SLC26A7: variants seen among roughly 807,000 people sequenced by gnomAD.
SLC26A7 encodes anion exchange transporter.
A neutral mutation model predicts 82.5 loss-of-function variants in SLC26A7; 59 were observed. The observed-to-expected ratio is 0.72, with a 90% CI of 0.58 to 0.89. The LOEUF (loss-of-function observed/expected upper bound fraction) is 0.89, where lower values mean the gene tolerates loss of function less well. SLC26A7 is among the 40% of genes least tolerant of loss of function. SLC26A7 has a pLI of 0.00. For missense variants in SLC26A7, 820 were observed against 793.0 expected, an observed-to-expected ratio of 1.03 and a Z score of -0.41; for synonymous variants, 271 against 274.3, an observed-to-expected ratio of 0.99 and a Z score of 0.12.
At chr8:91,279,987 C>T (rs1471433843) in intron 2 of SLC26A7, among the ~76,000 whole-genome samples, 2 of 152,126 alleles carry the variant, frequency 1.3e-5, no homozygotes, top group Admixed American at 1.3e-4. Flanking sequence ...GTTTGAGTTC[C>T]TTACATATTT....
At chr8:91,219,582 G>A (rs1810125559) in intron 2 of SLC26A7, among the ~76,000 whole-genome samples, 1 of 152,124 alleles carries the variant, frequency 6.6e-6, no homozygotes, top group African/African-American at 2.4e-5. Context: ...TCAGAAATGA[G>A]AATTGTGCTC....
At chr8:91,302,991 T>C (rs575895525) in intron 4 of SLC26A7, among the ~76,000 whole-genome samples, 2 of 152,162 alleles carry the variant, frequency 1.3e-5, no homozygotes, top group Non-Finnish European at 2.9e-5. Flanking sequence ...ATAATCTTAT[T>C]GTTTCCAGTT....
At chr8:91,255,522 C>T (rs1810777732) in intron 2 of SLC26A7, among the ~76,000 whole-genome samples, 2 of 152,096 alleles carry the variant, frequency 1.3e-5, no homozygotes, top group South Asian at 4.1e-4. Flanking sequence ...ATCACTGTAT[C>T]TTCCTGCTAG....
intron 4 of SLC26A7, among the ~76,000 whole-genome samples, chr8:91,307,661 A>AG (rs1158924181): frequency 2.8e-4 from 24 of 86,292 alleles, no homozygotes; most frequent in Non-Finnish European, 4.9e-4. Context: ...GGGTGGGGGG[A>AG]GGGGGGAGGG....
chr8:91,333,226 T>C (rs1813143493), intron 5 of SLC26A7, among the ~76,000 whole-genome samples: 2 of 152,298 alleles, frequency 1.3e-5, no homozygotes, highest in South Asian at 4.1e-4. Flanking sequence ...TTTAATGTTG[T>C]TCTTTTGGTT....
intron 13 of SLC26A7, 101 bp from the exon 14 acceptor site, chr8:91,366,475 GTTAA>G: frequency 4.0e-6 from 5 of 1,244,182 alleles, no homozygotes; most frequent in Non-Finnish European, 5.6e-6. Flanking sequence ...TAATAAAAAT[GTTAA>G]TTGAGAGATT....
At chr8:91,279,123 GTGTATATATATA>G (rs1291465373) in intron 2 of SLC26A7, among the ~76,000 whole-genome samples, 7 of 78,786 alleles carry the variant, frequency 8.9e-5, no homozygotes, top group African/African-American at 2.9e-4. Context: ...GTGTGTGTGT[GTGTATATATATA>G]TATATATATA....
intron 2 of SLC26A7, among the ~76,000 whole-genome samples, chr8:91,239,514 A>G (rs1222510102): frequency 6.6e-6 from 1 of 151,394 alleles, no homozygotes; most frequent in East Asian, 1.9e-4. Context: ...ACACATATAT[A>G]TGAGAAAATA....
chr8:91,255,999 C>T (rs1810791283), intron 2 of SLC26A7, among the ~76,000 whole-genome samples: 1 of 152,094 alleles, frequency 6.6e-6, no homozygotes, highest in Admixed American at 6.6e-5. Context: ...GGGTGAATAA[C>T]CCCTGTTCCA....
intron 11 of SLC26A7, among the ~76,000 whole-genome samples, chr8:91,361,402 T>C (rs1814046013): frequency 6.6e-6 from 1 of 152,134 alleles, no homozygotes; most frequent in African/African-American, 2.4e-5. Context: ...GGAATTGAAA[T>C]ATGTTTTCAA....
At chr8:91,273,595 A>T (rs1390959699) in intron 2 of SLC26A7, among the ~76,000 whole-genome samples, 1 of 152,148 alleles carries the variant, frequency 6.6e-6, no homozygotes, top group Non-Finnish European at 1.5e-5. Context: ...AATGATTAGA[A>T]ACTCAAAGAG....
At chr8:91,247,396 G>A (rs1181394385), upstream of SLC26A7, among the ~76,000 whole-genome samples, 1 of 152,050 alleles carries the variant, frequency 6.6e-6, no homozygotes, top group Non-Finnish European at 1.5e-5. Flanking sequence ...AGAATCTTAT[G>A]TGTGTGAATA....
intron 2 of SLC26A7, among the ~76,000 whole-genome samples, chr8:91,278,539 A>G (rs993509096): frequency 3.9e-5 from 6 of 152,138 alleles, no homozygotes; most frequent in Admixed American, 1.3e-4. Context: ...TAATGCAAAG[A>G]TGTTATTTTT....
chr8:91,316,451 ATTTTTTTTTTTTTTTTTTTTTTTTTT>A (rs58981485), intron 4 of SLC26A7, among the ~76,000 whole-genome samples: 1 of 34,390 alleles, frequency 2.9e-5, no homozygotes, highest in Admixed American at 4.6e-4. Context: ...CTCAACACTA[ATTTTTTTTTTTTTTTTTTTTTTTTTT>A]TTTTTTTTTT....
intron 5 of SLC26A7, among the ~76,000 whole-genome samples, chr8:91,324,868 C>A (rs986369143): frequency 6.6e-6 from 1 of 152,054 alleles, no homozygotes; most frequent in African/African-American, 2.4e-5. Context: ...ATGAGAGAGA[C>A]CCAGCCATAG....
intron 2 of SLC26A7, among the ~76,000 whole-genome samples, chr8:91,284,152 G>A (rs1410078590): frequency 1.3e-5 from 2 of 152,122 alleles, no homozygotes; most frequent in Non-Finnish European, 2.9e-5. Context: ...TTCTATTTTT[G>A]TAGAAGATAG....
chr8:91,341,674 A>C (rs540858285), intron 8 of SLC26A7, among the ~76,000 whole-genome samples: 1 of 152,180 alleles, frequency 6.6e-6, no homozygotes, highest in East Asian at 1.9e-4. Flanking sequence ...TTTACTCGAA[A>C]CTTCCCAGTT....
rs1813758746 is a variant in SLC26A7 at position 91,352,915 on chromosome 8, C to T, written c.1233C>T (p.Ser411=). The T allele has an allele frequency of 1.2e-6, 2 of 1,603,518 alleles. No individual in the cohort carries two copies. The highest frequency in any genetic ancestry group is 8.5e-7 in the Non-Finnish European group (1 of 1,175,622). The change falls in exon 11 of 19, where the codon AGC becomes AGT. Residue 411 remains serine (S), a synonymous_variant. Transcript: ENST00000276609. ...TTTATTTCTAGTGTGTCCTTGCAAG[C>T]ATTATTGTTGTGGGACTGAAGGGAA... ...LYWLPMCVLA[S]IIVVGLKGML... is the part of the protein sequence containing the mutation.
chr8:91,318,491 T>G (rs2130808794), intron 5 of SLC26A7, 111 bp downstream of exon 5: 1 of 908,254 alleles, frequency 1.1e-6, no homozygotes, highest in Non-Finnish European at 1.6e-6. Context: ...AACTTGGGTT[T>G]AAATAAAATC....
Sources: allele counts gnomAD v4.1 joint callset (sites outside exome capture counted in the v4.1 genomes callset), GRCh38; gene constraint gnomAD v4.1.1; transcripts MANE v1.5; gene names NCBI Gene and HGNC (gene_info 2026-07-23, HGNC 2026-07-21).